The following TRMT44 variants were observed in gnomAD, a reference collection of about 807,000 sequenced individuals.
The protein encoded by TRMT44 is tRNA methyltransferase 44 homolog, also known as probable tRNA (uracil-O(2)-)-methyltransferase.
In TRMT44, 78 loss-of-function variants were observed where a neutral mutation model predicts 77.3. That is an observed-to-expected ratio of 1.01 (90% CI 0.84 to 1.22). The LOEUF is 1.22. TRMT44 is among the 50% of genes most tolerant of loss of function. The probability of loss-of-function intolerance (pLI) is 0.00; values close to 1 mark genes in which losing one functional copy is unlikely to be tolerated. For missense variants in TRMT44, 1,090 were observed against 964.4 expected (o/e 1.13, Z -1.73); for synonymous variants, 391 against 383.3 (o/e 1.02, Z -0.23).
chr4:8,497,706 ATG>A (rs1199707307), downstream of TRMT44, among the ~76,000 whole-genome samples: 1 of 152,226 alleles, frequency 6.6e-6, no homozygotes, highest in African/African-American at 2.4e-5. Flanking sequence ...AGCTTTTTAG[ATG>A]TGAGTCCACT....
chr4:8,463,913 G>A (rs1339994788), intron 6 of TRMT44, 72 bp from the exon 7 acceptor site: 18 of 1,298,512 alleles, frequency 1.4e-5, no homozygotes, highest in African/African-American at 1.2e-4. Context: ...GTACCCTCCC[G>A]CCATGTCCTG....
downstream of TRMT44, among the ~76,000 whole-genome samples, chr4:8,479,818 CTCTT>C (rs1727556472): frequency 3.3e-5 from 5 of 149,654 alleles, no homozygotes; most frequent in African/African-American, 4.9e-5. Context: ...ACATTTTTGA[CTCTT>C]TTTTAATAAC....
At chr4:8,495,746 G>A (rs1333681858), downstream of TRMT44, among the ~76,000 whole-genome samples, 1 of 152,212 alleles carries the variant, frequency 6.6e-6, no homozygotes, top group Non-Finnish European at 1.5e-5. Flanking sequence ...GGGTCTGGAG[G>A]CAGGGAACCT....
At chr4:8,477,513 C>G (rs924263913), downstream of TRMT44, 1 of 152,342 alleles carries the variant, frequency 6.6e-6, no homozygotes, top group African/African-American at 2.4e-5. Flanking sequence ...GGTCCCCACG[C>G]TGGGAAGTTC....
chr4:8,484,097 A>C (rs867336063), intron 2 of TRMT44, among the ~76,000 whole-genome samples: 3 of 152,182 alleles, frequency 2.0e-5, no homozygotes, highest in African/African-American at 7.2e-5. Context: ...AGTGGCTTGT[A>C]CTATAGCATA....
At chr4:8,459,126 T>A (rs552539901) in intron 6 of TRMT44, among the ~76,000 whole-genome samples, 1 of 152,196 alleles carries the variant, frequency 6.6e-6, no homozygotes, top group Admixed American at 6.5e-5. Context: ...CACCTGAGTT[T>A]GGGAGGTTGA....
Position 8,461,738 on chromosome 4 carries a change from A to G in TRMT44, c.1204-2247A>G, listed in dbSNP as rs1418412123. Among the ~76,000 whole-genome samples, 2 of 152,126 alleles carry G rather than the reference A, an allele frequency of 1.3e-5. No individual in the cohort carries two copies. Among genetic ancestry groups the G allele is most frequent in the African/African-American group, 4.8e-5 (2 of 41,418 alleles). On this transcript the variant is annotated intron_variant, in intron 6 of 10. Coordinates refer to ENST00000389737, the MANE Select transcript of TRMT44 (RefSeq NM_152544.3). This position sits in a 1 kb window ranked among gnomAD's most constrained non-coding sequence, Gnocchi z 4.6. The stretch of plus-strand genomic sequence containing the variant: ...CTTCAGTCTCGGTGCTAAAATAGCC[A>G]TGTTTATTCTAGTGTTAAATAAATG...
At chr4:8,463,583 C>A (rs985852865) in intron 6 of TRMT44, among the ~76,000 whole-genome samples, 1 of 152,226 alleles carries the variant, frequency 6.6e-6, no homozygotes, top group Non-Finnish European at 1.5e-5. Flanking sequence ...CCTTAAATCA[C>A]CTTCAGACCT....
At chr4:8,445,894 T>C (rs1200555482) in intron 1 of TRMT44, among the ~76,000 whole-genome samples, 3 of 152,230 alleles carry the variant, frequency 2.0e-5, no homozygotes, top group African/African-American at 7.2e-5. Flanking sequence ...TAGAACTTTA[T>C]ACAACCAAAC....
At chr4:8,486,979 G>C (rs1727830070) in intron 2 of TRMT44, among the ~76,000 whole-genome samples, 1 of 152,176 alleles carries the variant, frequency 6.6e-6, no homozygotes, top group South Asian at 2.1e-4. Context: ...TTGGGGTTGG[G>C]ACTGAGGGGA....
At chr4:8,445,754 C>T (rs1725017853) in intron 1 of TRMT44, among the ~76,000 whole-genome samples, 1 of 152,192 alleles carries the variant, frequency 6.6e-6, no homozygotes, top group South Asian at 2.1e-4. Flanking sequence ...TTTGGCAGGT[C>T]TTGTTCTTTC....
chr4:8,509,990 G>A, the TRMT44 span, among the ~76,000 whole-genome samples: 3 of 152,186 alleles, frequency 2.0e-5, no homozygotes, highest in Non-Finnish European at 4.4e-5. Flanking sequence ...TGGCATCCCC[G>A]TGGAGATGAT....
chr4:8,483,397 G>A (rs920472140), intron 2 of TRMT44, among the ~76,000 whole-genome samples: 3 of 150,276 alleles, frequency 2.0e-5, no homozygotes, highest in Admixed American at 1.3e-4. Flanking sequence ...ACAGAAGATA[G>A]TAGGGTTGAC....
chr4:8,494,715 T>A (rs1332027338), downstream of TRMT44, among the ~76,000 whole-genome samples: 1 of 152,182 alleles, frequency 6.6e-6, no homozygotes, highest in Admixed American at 6.5e-5. Flanking sequence ...GGTGTGTCCT[T>A]AACCTGGGCA....
chr4:8,471,428 C>T (rs1472695178), intron 10 of TRMT44, among the ~76,000 whole-genome samples: 1 of 152,202 alleles, frequency 6.6e-6, no homozygotes, highest in Admixed American at 6.5e-5. Context: ...ATGCGATGTC[C>T]CCAGGCTGGT....
intron 10 of TRMT44, among the ~76,000 whole-genome samples, chr4:8,471,852 G>T (rs888204828): frequency 2.6e-5 from 4 of 152,174 alleles, no homozygotes; most frequent in African/African-American, 9.7e-5. Context: ...AGTGAGGGAG[G>T]GGGGAGATGT....
At chr4:8,472,978 G>C (rs898310184) in intron 10 of TRMT44, among the ~76,000 whole-genome samples, 3 of 152,210 alleles carry the variant, frequency 2.0e-5, no homozygotes, top group Non-Finnish European at 4.4e-5. Context: ...TTCTGTGCAG[G>C]TCACCCTGGG....
At chr4:8,475,545 C>G (rs973765855) in intron 10 of TRMT44, among the ~76,000 whole-genome samples, 1 of 152,198 alleles carries the variant, frequency 6.6e-6, no homozygotes, top group African/African-American at 2.4e-5. Flanking sequence ...CCGCTCACTT[C>G]CCGCAGGGCT....
intron 1 of TRMT44, among the ~76,000 whole-genome samples, chr4:8,445,999 C>T (rs143928843): frequency 2.0e-5 from 3 of 152,262 alleles, no homozygotes; most frequent in East Asian, 1.9e-4. Context: ...CTGTGAAGTC[C>T]GTACATGCAG....
Sources: allele counts gnomAD v4.1 joint callset (sites outside exome capture counted in the v4.1 genomes callset), GRCh38; gene constraint gnomAD v4.1.1; non-coding constraint Gnocchi (gnomAD v3.1); transcripts MANE v1.5; gene names NCBI Gene and HGNC (gene_info 2026-07-23, HGNC 2026-07-21).